GID4: variants seen among roughly 807,000 people sequenced by gnomAD.
GID4 encodes glucose-induced degradation protein 4 homolog.
Under a neutral mutation model 32.4 loss-of-function variants are expected in GID4, and 7 were observed. The ratio of observed to expected loss-of-function variants is 0.22; its 90% CI spans 0.12 to 0.41. The LOEUF is 0.41. Among genes scored for constraint, GID4 ranks in the 10% least tolerant of loss-of-function variants. The pLI is 1.00. For missense variants in GID4, 309 were observed against 400.0 expected, an observed-to-expected ratio of 0.77 and a Z score of 1.94; for synonymous variants, 166 against 170.0, an observed-to-expected ratio of 0.98 and a Z score of 0.18.
rs2044770237 is a variant in GID4, at chr17:18,039,806, G to A, written c.342G>A (p.Gln114=). 1 of 1,576,582 alleles carries A rather than the reference G, an allele frequency of 6.3e-7. No individual in the cohort carries two copies. Among genetic ancestry groups the A allele is most frequent in the African/African-American group, 1.4e-5 (1 of 71,786 alleles). ...CGCCGCCGCCCATCAACACCCAGCA[G>A]CCCGGCGTGGCCACCAGCCTGCTCT... The part of the protein sequence containing the change: ...LIPPPPINTQ[Q]PGVATSLLYS... The change falls in exon 1 of 6, where the codon CAG becomes CAA. Residue 114 remains glutamine (Q), a synonymous_variant. Coordinates refer to ENST00000268719, the MANE Select transcript of GID4 (RefSeq NM_024052.5). The surrounding 1 kb of genome is among the most constrained non-coding windows in gnomAD (Gnocchi z 5.3).
intron 2 of GID4, among the ~76,000 whole-genome samples, chr17:18,052,325 C>T (rs567016541): frequency 2.0e-5 from 3 of 152,108 alleles, no homozygotes; most frequent in Non-Finnish European, 4.4e-5. Flanking sequence ...CCACCTGCAG[C>T]GGTGGTGACG....
intron 4 of GID4, among the ~76,000 whole-genome samples, chr17:18,059,494 A>C (rs2045000034): frequency 6.6e-6 from 1 of 152,144 alleles, no homozygotes; most frequent in Non-Finnish European, 1.5e-5. Flanking sequence ...GGGACCGGGA[A>C]TGGAACACGG....
At chr17:18,046,163 G>A (rs1045458728) in intron 2 of GID4, among the ~76,000 whole-genome samples, 14 of 152,184 alleles carry the variant, frequency 9.2e-5, no homozygotes, top group African/African-American at 2.9e-4. Flanking sequence ...AGCTCTCATG[G>A]TCTGATGATC....
intron 4 of GID4, among the ~76,000 whole-genome samples, chr17:18,059,246 G>A (rs985115197): frequency 3.3e-5 from 5 of 152,298 alleles, no homozygotes; most frequent in African/African-American, 1.2e-4. Context: ...CTCTAACATT[G>A]TCTTCTCCCT....
In GID4 at chr17:18,045,020, G is replaced by A. The variant is rs902539831; in HGVS notation, c.439-127G>A. 4 of 601,880 alleles carry A rather than the reference G, an allele frequency of 6.6e-6. No homozygotes were observed. The African/African-American group carries it at 7.3e-5, about 11-fold the overall frequency. The allele number at this position is 601,880 out of a possible 1,614,324, so 37.3% of individuals were successfully genotyped here. On this transcript the variant is annotated intron_variant, in intron 1 of 5. Coordinates refer to ENST00000268719, the MANE Select transcript of GID4 (RefSeq NM_024052.5). ...CTTATCAAGATTCCAGAGACTGGGTGAGCCTTGGACTGCCCTGGGTGTTCA... is the reference window on the plus strand; with the variant it reads ...CTTATCAAGATTCCAGAGACTGGGTAAGCCTTGGACTGCCCTGGGTGTTCA...
chr17:18,052,079 CCA>C (rs1491292409), intron 2 of GID4, among the ~76,000 whole-genome samples: 24 of 110,540 alleles, frequency 2.2e-4, no homozygotes, highest in African/African-American at 7.6e-4. Flanking sequence ...GTCCCTCCCC[CCA>C]AAAAAAAAAA....
At chr17:18,062,506 T>A (rs2045025442) in intron 5 of GID4, among the ~76,000 whole-genome samples, 2 of 152,214 alleles carry the variant, frequency 1.3e-5, no homozygotes, top group African/African-American at 4.8e-5. Context: ...TGCCACCTTT[T>A]GAGGGATTCT....
intron 3 of GID4, among the ~76,000 whole-genome samples, chr17:18,054,858 A>G (rs2044949653): frequency 6.6e-6 from 1 of 152,136 alleles, no homozygotes; most frequent in African/African-American, 2.4e-5. Flanking sequence ...TTGTTGTCAT[A>G]TAAGTACCAT....
rs541380701 is a variant in GID4, at chr17:18,066,962, G to A, written c.*1719G>A. The A allele has an allele frequency of 3.3e-5, 5 of 152,162 alleles. No homozygotes were observed. The highest frequency in any genetic ancestry group is 3.8e-4 in the East Asian group (2 of 5,204). 9.4% of individuals were successfully genotyped at this position (152,162 alleles called of 1,614,324 possible). On this transcript the variant is annotated 3_prime_UTR_variant, in exon 6 of 6. Transcript: ENST00000268719. ...CTTTGGAACCCTAAAAAGTTGGCCC[G>A]ATGACTTAAAGGGAAAAATAATTCA...
At chr17:18,049,826 C>G (rs1366791082) in intron 2 of GID4, among the ~76,000 whole-genome samples, 2 of 152,108 alleles carry the variant, frequency 1.3e-5, no homozygotes, top group African/African-American at 4.8e-5. Flanking sequence ...GATGGGGTTT[C>G]ACCATGTTGG....
chr17:18,058,577 T>G (rs2044991214), intron 3 of GID4, among the ~76,000 whole-genome samples: 2 of 152,236 alleles, frequency 1.3e-5, no homozygotes, highest in African/African-American at 4.8e-5. Context: ...TTATTTTGTC[T>G]GTCTGTTCAC....
intron 3 of GID4, 28 bp from the exon 4 acceptor site, chr17:18,058,840 A>G (rs968513307): frequency 1.9e-5 from 26 of 1,394,414 alleles, no homozygotes; most frequent in Non-Finnish European, 2.3e-5. Flanking sequence ...CTCTCAGTCA[A>G]TCGGCACACT....
intron 3 of GID4, chr17:18,056,770 A>G (rs1166521653): frequency 5.2e-6 from 8 of 1,550,478 alleles, no homozygotes; most frequent in Middle Eastern, 3.3e-4. Flanking sequence ...GTGAGAGAGG[A>G]ACTAAGAAGG....
At chr17:18,049,335 CAA>C (rs756823895) in intron 2 of GID4, among the ~76,000 whole-genome samples, 34 of 37,858 alleles carry the variant, frequency 9.0e-4, no homozygotes, top group Admixed American at 1.2e-3. Context: ...GACTTCGTGT[CAA>C]AAAAAAAAAA....
chr17:18,055,654 C>A (rs1041966160), intron 3 of GID4, among the ~76,000 whole-genome samples: 1 of 151,864 alleles, frequency 6.6e-6, no homozygotes, highest in African/African-American at 2.4e-5. Context: ...ACACTGAGCT[C>A]ATTTTCTTTT....
chr17:18,045,139 C>T lies in GID4; in HGVS notation c.439-8C>T. On this transcript the variant is annotated splice_region_variant and splice_polypyrimidine_tract_variant and intron_variant, in intron 1 of 5. Coordinates refer to ENST00000268719, the MANE Select transcript of GID4 (RefSeq NM_024052.5). ...ATTTGTGACAGGCTGTGTATCCTTT[C>T]TTTTCAGCACGTGGACACGGGGAAC... 6.2e-7 allele frequency: 1 copy of T among 1,610,824 alleles called. No homozygotes were observed. Among genetic ancestry groups the T allele is most frequent in the Non-Finnish European group, 8.5e-7 (1 of 1,177,088 alleles).
chr17:18,046,300 G>T (rs2044852143), intron 2 of GID4, among the ~76,000 whole-genome samples: 1 of 152,192 alleles, frequency 6.6e-6, no homozygotes, highest in Non-Finnish European at 1.5e-5. Flanking sequence ...CTGCGAAGTT[G>T]AGAATTAAAA....
At chr17:18,047,570 G>C (rs2044866698) in intron 2 of GID4, among the ~76,000 whole-genome samples, 1 of 152,352 alleles carries the variant, frequency 6.6e-6, no homozygotes, top group East Asian at 1.9e-4. Context: ...CCTTTGAGGA[G>C]GGGGCACTGA....
intron 1 of GID4, among the ~76,000 whole-genome samples, chr17:18,041,108 C>T (rs1390045472): frequency 6.6e-6 from 1 of 151,974 alleles, no homozygotes; most frequent in African/African-American, 2.4e-5. Flanking sequence ...CCTTTTTTTC[C>T]TTAGTCTGAC....
Sources: gnomAD v4.1 joint callset for allele counts (sites outside exome capture counted in the v4.1 genomes callset) on GRCh38, gnomAD v4.1.1 for gene constraint, Gnocchi (gnomAD v3.1) non-coding constraint, MANE v1.5 for transcripts, NCBI Gene and HGNC (gene_info 2026-07-23, HGNC 2026-07-21) for gene names.